Variants in PCNX1 observed in about 807,000 individuals in gnomAD.
The protein encoded by PCNX1 is pecanex 1.
PCNX1 carries 78 observed loss-of-function variants against 242.2 expected under a neutral mutation model. The ratio of observed to expected loss-of-function variants is 0.32; its 90% CI spans 0.27 to 0.39. The LOEUF is 0.39. Ranked by LOEUF, PCNX1 falls within the 10% of genes least tolerant of loss-of-function variation. PCNX1 has a pLI of 1.00. For missense variants in PCNX1, 2,581 were observed against 2,856.5 expected (o/e 0.90, Z 2.20); for synonymous variants, 1,024 against 1,032.9 (o/e 0.99, Z 0.17).
intron 1 of PCNX1, among the ~76,000 whole-genome samples, chr14:70,929,796 C>T (rs1360024257): frequency 1.3e-5 from 2 of 152,142 alleles, no homozygotes; most frequent in African/African-American, 4.8e-5. Flanking sequence ...ATAATGACTT[C>T]TGTGATGAAG....
chr14:70,959,332 A>C, intron 2 of PCNX1, among the ~76,000 whole-genome samples: 1 of 145,952 alleles, frequency 6.9e-6, no homozygotes, highest in South Asian at 2.2e-4. Flanking sequence ...GCACCCATTA[A>C]CTCGTCATTT....
intron 1 of PCNX1, among the ~76,000 whole-genome samples, chr14:70,936,126 T>C (rs908770893): frequency 1.3e-5 from 2 of 152,146 alleles, no homozygotes; most frequent in Admixed American, 6.5e-5. Flanking sequence ...GGAATTTTAT[T>C]TTTATTTTTT....
At chr14:70,912,910 C>CT (rs1164440314) in intron 1 of PCNX1, among the ~76,000 whole-genome samples, 1 of 152,146 alleles carries the variant, frequency 6.6e-6, no homozygotes, top group African/African-American at 2.4e-5. Context: ...TTCCTTCTTG[C>CT]TCTTTGCAAG....
chr14:70,944,088 G>T (rs10220379), intron 1 of PCNX1, among the ~76,000 whole-genome samples: 17,816 of 152,254 alleles, frequency 0.12, 1,151 homozygotes, highest in Admixed American at 0.19. Context: ...GAAATGTGGG[G>T]TTGGACCCAT....
At chr14:71,037,061 G>C (rs2060558637) in intron 19 of PCNX1, among the ~76,000 whole-genome samples, 1 of 152,056 alleles carries the variant, frequency 6.6e-6, no homozygotes, top group South Asian at 2.1e-4. Flanking sequence ...TTGTGAATGG[G>C]AGTTCACTCA....
At chr14:71,071,849 A>G (rs1259984275) in intron 26 of PCNX1, among the ~76,000 whole-genome samples, 3 of 152,212 alleles carry the variant, frequency 2.0e-5, no homozygotes, top group Non-Finnish European at 4.4e-5. Context: ...TTAAACACTT[A>G]GAGGCCATTG....
intron 7 of PCNX1, among the ~76,000 whole-genome samples, chr14:70,994,396 G>GAGATATAT (rs1555357307): frequency 5.2e-5 from 5 of 96,964 alleles, no homozygotes; most frequent in African/African-American, 1.9e-4. Flanking sequence ...ACAGGCTTAA[G>GAGATATAT]ATATATATAT....
At chr14:70,941,407 G>A (rs1428000898) in intron 1 of PCNX1, among the ~76,000 whole-genome samples, 1 of 152,192 alleles carries the variant, frequency 6.6e-6, no homozygotes, top group African/African-American at 2.4e-5. Context: ...TCCAGACCCT[G>A]TTTGCCTGGA....
At chr14:70,914,773 A>G (rs1237554893) in intron 1 of PCNX1, among the ~76,000 whole-genome samples, 1 of 152,168 alleles carries the variant, frequency 6.6e-6, no homozygotes. Context: ...TTCTATACAA[A>G]TCACCCCTAA....
chr14:70,951,748 C>T (rs1566612975), intron 2 of PCNX1, among the ~76,000 whole-genome samples: 1 of 149,528 alleles, frequency 6.7e-6, no homozygotes, highest in Non-Finnish European at 1.5e-5. Flanking sequence ...TGCTTATCCT[C>T]CAGAAAATTT....
chr14:70,970,170 G>C (rs560818591), intron 5 of PCNX1, among the ~76,000 whole-genome samples: 1 of 152,068 alleles, frequency 6.6e-6, no homozygotes, highest in South Asian at 2.1e-4. Flanking sequence ...ATCCAGCCTG[G>C]GTAACATAGT....
At chr14:70,988,403 G>A (rs114281746) in intron 6 of PCNX1, among the ~76,000 whole-genome samples, 164 bp from the exon 7 acceptor site, 53 of 152,260 alleles carry the variant, frequency 3.5e-4, no homozygotes, top group African/African-American at 1.3e-3. Flanking sequence ...GATACTTTTT[G>A]TGTATTACCT....
chr14:71,074,524 T>C (rs1239504108), intron 27 of PCNX1, among the ~76,000 whole-genome samples: 1 of 152,218 alleles, frequency 6.6e-6, no homozygotes, highest in Non-Finnish European at 1.5e-5. Context: ...CTTCCAGTTG[T>C]CCTCTCACAG....
chr14:70,975,305 A>C (rs2058660769), intron 5 of PCNX1, among the ~76,000 whole-genome samples: 1 of 151,174 alleles, frequency 6.6e-6, no homozygotes, highest in Non-Finnish European at 1.5e-5. Context: ...TAAGAACGCA[A>C]CTACAGTAGC....
intron 13 of PCNX1, among the ~76,000 whole-genome samples, chr14:71,024,429 A>C (rs932560164): frequency 6.6e-6 from 1 of 152,150 alleles, no homozygotes; most frequent in East Asian, 1.9e-4. Flanking sequence ...ATGATATTGA[A>C]ATTTTTGATA....
chr14:71,014,292 A>G (rs957198702), intron 11 of PCNX1, among the ~76,000 whole-genome samples: 1 of 152,208 alleles, frequency 6.6e-6, no homozygotes, highest in African/African-American at 2.4e-5. Flanking sequence ...CATAAAGTCT[A>G]AGAAGATTTA....
At chr14:71,076,442 CTCTT>C (rs2061720803) in intron 28 of PCNX1, 23 bp downstream of exon 28, 1 of 1,469,218 alleles carries the variant, frequency 6.8e-7, no homozygotes, top group Admixed American at 1.7e-5. Context: ...TCATTTATAA[CTCTT>C]TGAATCCAGG....
chr14:71,075,658 A>G (rs2061698957), intron 27 of PCNX1, among the ~76,000 whole-genome samples: 1 of 152,124 alleles, frequency 6.6e-6, no homozygotes, highest in Non-Finnish European at 1.5e-5. Context: ...GCACTTTGGG[A>G]GGCCGAGGCG....
chr14:71,081,935 T>C (rs1022702070), intron 28 of PCNX1, among the ~76,000 whole-genome samples: 1 of 152,216 alleles, frequency 6.6e-6, no homozygotes, highest in Non-Finnish European at 1.5e-5. Context: ...TCTAGTTCTT[T>C]TAATTGCGAT....
Sources: gnomAD v4.1 joint callset for allele counts (sites outside exome capture counted in the v4.1 genomes callset) on GRCh38, gnomAD v4.1.1 for gene constraint, MANE v1.5 for transcripts, NCBI Gene and HGNC (gene_info 2026-07-23, HGNC 2026-07-21) for gene names.